Variants in TJP2 observed in about 807,000 individuals in gnomAD.
TJP2 encodes tight junction protein 2, also known as Friedreich ataxia region gene X104 (tight junction protein ZO-2).
TJP2 carries 91 observed loss-of-function variants against 133.1 expected under a neutral mutation model. That is an observed-to-expected ratio of 0.68 (90% confidence interval 0.58 to 0.81). The LOEUF is 0.81. Ranked by LOEUF, TJP2 falls within the 40% of genes least tolerant of loss-of-function variation. The pLI, the probability that TJP2 is intolerant of heterozygous loss-of-function variation, is 0.00. For synonymous variants in TJP2, 592 were observed against 583.4 expected (o/e 1.01, Z -0.21); for missense variants, 1,541 against 1,565.6 (o/e 0.98, Z 0.26).
chr9:69,164,974 C>T (rs1466323545), intron 2 of TJP2, among the ~76,000 whole-genome samples: 4 of 152,148 alleles, frequency 2.6e-5, no homozygotes, highest in Non-Finnish European at 4.4e-5. Flanking sequence ...GGATTACAGG[C>T]GCCCATCATT....
intron 1 of TJP2, among the ~76,000 whole-genome samples, chr9:69,184,245 C>T (rs1350131042): frequency 1.3e-5 from 2 of 152,158 alleles, no homozygotes; most frequent in East Asian, 1.9e-4. Context: ...TATTAGTTGC[C>T]TTCAGGACAA....
intron 1 of TJP2, among the ~76,000 whole-genome samples, chr9:69,211,404 G>C (rs1588067581): frequency 6.6e-6 from 1 of 152,156 alleles, no homozygotes; most frequent in Non-Finnish European, 1.5e-5. Flanking sequence ...TTTGTCTGTG[G>C]CTGGTATTTC....
intron 2 of TJP2, among the ~76,000 whole-genome samples, chr9:69,163,544 G>C (rs1023839338): frequency 2.6e-5 from 4 of 151,976 alleles, no homozygotes; most frequent in Non-Finnish European, 5.9e-5. Flanking sequence ...GCTGAGGTGG[G>C]AGGATCACTT....
At position 69,236,012 on chromosome 9, in the gene TJP2, T is replaced by C. The variant is rs59088021; in HGVS notation, c.1781-16T>C. On this transcript the variant is annotated splice_polypyrimidine_tract_variant and intron_variant, in intron 12 of 22. Transcript: ENST00000377245. ...GTACTAAGCTGAATGCAACAAACGA[T>C]GCTTTTGTCTTTCAGTGTATAGAGA... 453 of 1,612,302 alleles carry C rather than the reference T, an allele frequency of 2.8e-4. 1 individual carries two copies. The African/African-American group carries it at 5.3e-3, about 19-fold the overall frequency.
chr9:69,241,538 C>T (rs540809724), intron 17 of TJP2, among the ~76,000 whole-genome samples: 2 of 152,294 alleles, frequency 1.3e-5, no homozygotes, highest in African/African-American at 4.8e-5. Context: ...CTACTTGCCA[C>T]TGTGGCCAAA....
chr9:69,147,025 T>C (rs1473660282), intron 1 of TJP2, among the ~76,000 whole-genome samples: 1 of 152,216 alleles, frequency 6.6e-6, no homozygotes, highest in African/African-American at 2.4e-5. Flanking sequence ...ATTCTACTGT[T>C]ATTGTCTTGA....
chr9:69,134,154 C>T (rs1255607050), intron 1 of TJP2, among the ~76,000 whole-genome samples: 2 of 152,032 alleles, frequency 1.3e-5, no homozygotes, highest in Admixed American at 1.3e-4. Context: ...ATCTCCAGTG[C>T]CAATCAGACT....
intron 1 of TJP2, among the ~76,000 whole-genome samples, chr9:69,180,958 C>T (rs1189899571): frequency 6.6e-6 from 1 of 152,158 alleles, no homozygotes; most frequent in African/African-American, 2.4e-5. Context: ...AGAGCACCAA[C>T]ACATCCACTA....
chr9:69,240,135 C>T lies in TJP2; in HGVS notation c.2554C>T (p.His852Tyr), dbSNP rs143346845. The change falls in exon 17 of 23, where the codon CAC (histidine) becomes TAC (tyrosine). Residue 852 changes from histidine (H) to tyrosine (Y), a missense_variant. Coordinates refer to ENST00000377245, the MANE Select transcript of TJP2 (RefSeq NM_004817.4). ...QANKLKKTCA[H>Y]LFTATINLNS... ...CAACAAGCTTAAAAAAACGTGTGCACACCTTTTTACAGGTAAGTGAAATGT... is the reference window on the plus strand; with the variant it reads ...CAACAAGCTTAAAAAAACGTGTGCATACCTTTTTACAGGTAAGTGAAATGT... The T allele has an allele frequency of 9.3e-6, 15 of 1,613,656 alleles. No homozygotes were observed. The African/African-American group carries it at 1.1e-4, about 11-fold the overall frequency.
intron 1 of TJP2, among the ~76,000 whole-genome samples, chr9:69,196,418 A>G (rs148947212): frequency 4.2e-4 from 64 of 152,282 alleles, no homozygotes; most frequent in African/African-American, 1.4e-3. Context: ...TGATTTCTCT[A>G]CATGCACTGT....
At chr9:69,183,359 A>G (rs986446572) in intron 1 of TJP2, among the ~76,000 whole-genome samples, 6 of 152,172 alleles carry the variant, frequency 3.9e-5, no homozygotes, top group African/African-American at 1.4e-4. Context: ...TACCTAAAAG[A>G]GAACTTCTCT....
At chr9:69,136,061 C>A (rs934683756) in intron 1 of TJP2, among the ~76,000 whole-genome samples, 1 of 152,094 alleles carries the variant, frequency 6.6e-6, no homozygotes, top group Non-Finnish European at 1.5e-5. Flanking sequence ...TAGGCTATCT[C>A]AGAATGCTCA....
chr9:69,149,955 G>GC (rs1184483631), intron 1 of TJP2, among the ~76,000 whole-genome samples: 1 of 152,090 alleles, frequency 6.6e-6, no homozygotes, highest in Non-Finnish European at 1.5e-5. Flanking sequence ...TTCGACACCA[G>GC]CCGGGCCAAC....
intron 16 of TJP2, among the ~76,000 whole-genome samples, chr9:69,239,103 C>G (rs1057381162): frequency 6.6e-6 from 1 of 152,114 alleles, no homozygotes; most frequent in African/African-American, 2.4e-5. Flanking sequence ...GCAGGAGAAT[C>G]GCTTGAACTC....
chr9:69,181,507 C>T (rs148557537), intron 1 of TJP2, among the ~76,000 whole-genome samples: 27 of 152,212 alleles, frequency 1.8e-4, no homozygotes, highest in African/African-American at 4.3e-4. Flanking sequence ...CTTGGCCTCC[C>T]GAAGTGCTGG....
intron 2 of TJP2, among the ~76,000 whole-genome samples, chr9:69,158,430 CCTCA>C (rs1236203570): frequency 6.6e-6 from 1 of 150,532 alleles, no homozygotes; most frequent in Non-Finnish European, 1.5e-5. Context: ...TGTTCCTTTT[CCTCA>C]CTATCACCTG....
At chr9:69,167,279 G>A (rs4745653) in intron 2 of TJP2, among the ~76,000 whole-genome samples, 141,209 of 152,292 alleles carry the variant, frequency 0.93, 65,468 homozygotes, top group Middle Eastern at 0.96. Flanking sequence ...ATACTGTAGT[G>A]GGATCTCATT....
At chr9:69,215,820 T>A (rs1828325886) in intron 2 of TJP2, among the ~76,000 whole-genome samples, 2 of 152,166 alleles carry the variant, frequency 1.3e-5, no homozygotes, top group African/African-American at 4.8e-5. Flanking sequence ...GGAGGCTCAT[T>A]TGAGCCCAGA....
intron 11 of TJP2, 45 bp from the exon 12 acceptor site, chr9:69,234,393 TC>T: frequency 3.7e-6 from 5 of 1,349,282 alleles, no homozygotes; most frequent in Admixed American, 2.2e-5. Flanking sequence ...TTTCTTTCTT[TC>T]TTTCTTTTTT....
Sources: gnomAD v4.1 joint callset for allele counts (sites outside exome capture counted in the v4.1 genomes callset) on GRCh38, gnomAD v4.1.1 for gene constraint, MANE v1.5 for transcripts, NCBI Gene and HGNC (gene_info 2026-07-23, HGNC 2026-07-21) for gene names.